DSTYK: variants seen among roughly 807,000 people sequenced by gnomAD.
The protein encoded by DSTYK is dual serine/threonine and tyrosine protein kinase.
Under a neutral mutation model 98.7 loss-of-function variants are expected in DSTYK, and 34 were observed. The observed-to-expected ratio is 0.34, with a 90% confidence interval of 0.26 to 0.46. The LOEUF is 0.46. Among genes scored for constraint, DSTYK ranks in the 20% least tolerant of loss-of-function variants. The probability of loss-of-function intolerance (pLI) is 1.00; values close to 1 mark genes in which losing one functional copy is unlikely to be tolerated. For missense variants in DSTYK, 962 were observed against 1,181.7 expected (o/e 0.81, Z 2.73); for synonymous variants, 462 against 457.3 (o/e 1.01, Z -0.13).
intron 1 of DSTYK, among the ~76,000 whole-genome samples, chr1:205,194,943 G>A (rs559348640): frequency 1.8e-4 from 28 of 151,414 alleles, no homozygotes; most frequent in African/African-American, 6.1e-4. Context: ...AGTGATTCTC[G>A]TGCCTCAGCC....
At chr1:205,170,743 T>C (rs1014382551) in intron 2 of DSTYK, among the ~76,000 whole-genome samples, 4 of 152,186 alleles carry the variant, frequency 2.6e-5, no homozygotes, top group East Asian at 1.9e-4. Context: ...CCTTTACAGA[T>C]AGGGGTATCC....
chr1:205,196,031 T>G (rs1057323921), intron 1 of DSTYK, among the ~76,000 whole-genome samples: 14 of 152,188 alleles, frequency 9.2e-5, no homozygotes, highest in African/African-American at 3.1e-4. Flanking sequence ...TTATAAGCAT[T>G]ACCAATGATC....
rs1657373464 is a variant in DSTYK at position 205,150,621 on chromosome 1, G to A, written c.2467+59C>T. The A allele has an allele frequency of 7.5e-7, 1 of 1,338,604 alleles. No homozygotes were observed. The highest frequency in any genetic ancestry group is 1.1e-6 in the Non-Finnish European group (1 of 938,874). The allele number at this position is 1,338,604 out of a possible 1,614,324, so 82.9% of individuals were successfully genotyped here. ...ATTGTGGAAACGAGCTCAAGGGGTA[G>A]CACTCAGGATTAAAGTAGTACGCCC... On this transcript the variant is annotated intron_variant, in intron 11 of 12. Transcript: ENST00000367162. This position sits in a 1 kb window ranked among gnomAD's most constrained non-coding sequence, Gnocchi z 4.1.
Position 205,150,727 on chromosome 1 carries a change from C to G in DSTYK, c.2420G>C (p.Gly807Ala). 1.2e-6 allele frequency: 2 copies of G among 1,614,098 alleles called. No individual in the cohort carries two copies. Among genetic ancestry groups the G allele is most frequent in the Non-Finnish European group, 1.7e-6 (2 of 1,180,022 alleles). Reference protein sequence around the residue: ...GFCKPEAMMSGSIVGTPIHMA... With the variant: ...GFCKPEAMMSASIVGTPIHMA... ...ATGGATTGGTGTCCCCACAATGCTG[C>G]CTGACATCATGGCCTCTGGCTTGCA... Residue 807 changes from glycine to alanine, a missense_variant, in exon 11 of 13, where the codon GGC becomes GCC. By Grantham distance (60) the Gly-to-Ala change is moderately conservative. Coordinates refer to ENST00000367162, the MANE Select transcript of DSTYK (RefSeq NM_015375.3). This position sits in a 1 kb window ranked among gnomAD's most constrained non-coding sequence, Gnocchi z 4.1.
chr1:205,194,684 A>T (rs952249649), intron 1 of DSTYK, among the ~76,000 whole-genome samples: 3 of 147,358 alleles, frequency 2.0e-5, no homozygotes, highest in Non-Finnish European at 1.5e-5. Flanking sequence ...TGCCTGGCCT[A>T]AAAAAAAAAG....
chr1:205,155,472 C>G (rs1047760592), intron 10 of DSTYK, among the ~76,000 whole-genome samples: 2 of 151,552 alleles, frequency 1.3e-5, no homozygotes, highest in Admixed American at 1.3e-4. Flanking sequence ...AGTTGGAGAC[C>G]AGCCTGGCCA....
At chr1:205,175,026 C>T (rs1012104282) in intron 2 of DSTYK, among the ~76,000 whole-genome samples, 3 of 151,776 alleles carry the variant, frequency 2.0e-5, no homozygotes, top group Non-Finnish European at 4.4e-5. Context: ...CACCAGCCAC[C>T]GTGCCCTGCC....
intron 2 of DSTYK, among the ~76,000 whole-genome samples, chr1:205,183,636 A>G (rs1433170986): frequency 6.6e-6 from 1 of 152,208 alleles, no homozygotes; most frequent in East Asian, 1.9e-4. Context: ...TACCCTCTTC[A>G]CAAATCAGAT....
intron 2 of DSTYK, among the ~76,000 whole-genome samples, chr1:205,172,105 C>T (rs1368767025): frequency 6.6e-6 from 1 of 151,728 alleles, no homozygotes; most frequent in Non-Finnish European, 1.5e-5. Context: ...TACAGGCACG[C>T]ACCACCACGC....
chr1:205,199,183 G>A (rs1355085489), intron 1 of DSTYK, among the ~76,000 whole-genome samples: 1 of 152,144 alleles, frequency 6.6e-6, no homozygotes, highest in Non-Finnish European at 1.5e-5. Flanking sequence ...CACCACCTCA[G>A]GGAATGGAAG....
At chr1:205,175,186 C>T (rs1397422094) in intron 2 of DSTYK, among the ~76,000 whole-genome samples, 13 of 151,960 alleles carry the variant, frequency 8.6e-5, no homozygotes, top group South Asian at 4.2e-4. Context: ...ATGCAAGCTC[C>T]GCCTCCCAGG....
At position 205,186,257 on chromosome 1, in the gene DSTYK, C is replaced by T. The variant is rs117222902; in HGVS notation, c.654+1161G>A. Among the ~76,000 whole-genome samples the T allele has an allele frequency of 3.3e-3, 500 of 152,274 alleles. 24 individuals carry two copies. The East Asian group carries it at 0.072, about 22-fold the overall frequency. ...AGCTATTCAAAAACCCTCACATTAT[C>T]CTGGAGCTAGGAAATGTGAACTCTC... On this transcript the variant is annotated intron_variant, in intron 2 of 12. Transcript: ENST00000367162.
At chr1:205,174,218 A>G (rs1472913873) in intron 2 of DSTYK, among the ~76,000 whole-genome samples, 2 of 151,912 alleles carry the variant, frequency 1.3e-5, no homozygotes, top group African/African-American at 4.8e-5. Context: ...GTCTCTATTA[A>G]AAATACAAAA....
rs1263252177 is a variant in DSTYK at position 205,144,414 on chromosome 1, C to G, written c.*3144G>C. On this transcript the variant is annotated 3_prime_UTR_variant, in exon 13 of 13. Transcript: ENST00000367162. ...TCTTTAGGACTTTGGTCATGCTGAG[C>G]CCTCTATAACCCAAGTGCTGCCAGA... 6.6e-6 allele frequency: 1 copy of G among 152,580 alleles called. No individual in the cohort carries two copies. The highest frequency in any genetic ancestry group is 1.5e-5 in the Non-Finnish European group (1 of 68,046). 9.5% of individuals were successfully genotyped at this position (152,580 alleles called of 1,614,324 possible).
chr1:205,175,325 C>T (rs939015876), intron 2 of DSTYK, among the ~76,000 whole-genome samples: 1 of 151,920 alleles, frequency 6.6e-6, no homozygotes. Flanking sequence ...ATCTCCTGAC[C>T]TCGTGATCCG....
chr1:205,161,486 T>C (rs1378045241), intron 6 of DSTYK, 99 bp from the exon 7 acceptor site: 1 of 1,242,574 alleles, frequency 8.0e-7, no homozygotes, highest in East Asian at 2.5e-5. Context: ...ATATAGATAA[T>C]TGTGAGAATT....
chr1:205,208,392 T>C (rs1659269419), intron 1 of DSTYK, among the ~76,000 whole-genome samples: 2 of 152,240 alleles, frequency 1.3e-5, no homozygotes. Flanking sequence ...ACCATACTTA[T>C]ACTCCAATCA....
intron 2 of DSTYK, among the ~76,000 whole-genome samples, chr1:205,178,143 A>C (rs1252051527): frequency 6.6e-6 from 1 of 152,188 alleles, no homozygotes; most frequent in Non-Finnish European, 1.5e-5. Flanking sequence ...CTCAGTAGCC[A>C]TAGAAAGCAT....
rs10631913 is a variant in DSTYK at position 205,161,931 on chromosome 1, G to GAC, written c.1818+103_1818+104dup. 0.87 allele frequency: 780,255 copies of GAC among 894,616 alleles called. 340,783 individuals are homozygous for GAC. Among genetic ancestry groups the GAC allele is most frequent in the East Asian group, 0.99 (35,725 of 36,042 alleles). The allele number at this position is 894,616 out of a possible 1,614,324, so 55.4% of individuals were successfully genotyped here. On this transcript the variant is annotated intron_variant, in intron 6 of 12. Transcript: ENST00000367162. ...GTGTATATATATGTATACACACACAGACACACACACATATTATATATGAAG... is the reference window on the plus strand; with the variant it reads ...GTGTATATATATGTATACACACACAGACACACACACACATATTATATATGAAG...
Sources: allele counts gnomAD v4.1 joint callset (sites outside exome capture counted in the v4.1 genomes callset), GRCh38; gene constraint gnomAD v4.1.1; non-coding constraint Gnocchi (gnomAD v3.1); transcripts MANE v1.5; gene names NCBI Gene and HGNC (gene_info 2026-07-23, HGNC 2026-07-21).